The following NCAM2 variants were observed in gnomAD, a reference collection of about 807,000 sequenced individuals.
The protein encoded by NCAM2 is neural cell adhesion molecule 2.
A neutral mutation model predicts 98.1 loss-of-function variants in NCAM2; 30 were observed. That is an observed-to-expected ratio of 0.31 (90% confidence interval 0.23 to 0.41). The LOEUF (loss-of-function observed/expected upper bound fraction) is 0.41, where lower values mean the gene tolerates loss of function less well. Ranked by LOEUF, NCAM2 falls within the 10% of genes least tolerant of loss-of-function variation. The probability of loss-of-function intolerance (pLI) is 1.00; values close to 1 mark genes in which losing one functional copy is unlikely to be tolerated. For synonymous variants in NCAM2, 368 were observed against 342.4 expected (o/e 1.07, Z -0.83); for missense variants, 867 against 1,005.8 (o/e 0.86, Z 1.87).
At chr21:21,193,785 C>T (rs533256680) in intron 1 of NCAM2, among the ~76,000 whole-genome samples, 9 of 152,208 alleles carry the variant, frequency 5.9e-5, no homozygotes, top group Admixed American at 4.6e-4. Flanking sequence ...TGAGCCACCG[C>T]ACCTGGCCTC....
intron 16 of NCAM2, 38 bp downstream of exon 16, chr21:21,509,093 A>G (rs1390909397): frequency 6.2e-7 from 1 of 1,605,576 alleles, no homozygotes; most frequent in Non-Finnish European, 8.5e-7. Context: ...ATATTAAACA[A>G]GCGCCACAGT....
chr21:21,419,440 A>T (rs947239439), intron 11 of NCAM2, among the ~76,000 whole-genome samples: 4 of 148,810 alleles, frequency 2.7e-5, no homozygotes, highest in African/African-American at 1.0e-4. Flanking sequence ...TACACGTGCC[A>T]TGCTGGTGTG....
At chr21:21,271,286 G>T (rs1485411821) in intron 1 of NCAM2, among the ~76,000 whole-genome samples, 1 of 152,064 alleles carries the variant, frequency 6.6e-6, no homozygotes, top group South Asian at 2.1e-4. Flanking sequence ...CCTGTGCTGG[G>T]TTTATAGACT....
At chr21:21,446,894 A>T (rs1373145529) in intron 12 of NCAM2, among the ~76,000 whole-genome samples, 2 of 152,168 alleles carry the variant, frequency 1.3e-5, no homozygotes, top group African/African-American at 4.8e-5. Flanking sequence ...TCTCAAGGAA[A>T]TAAGAGAGGA....
At chr21:21,129,507 C>T (rs1248496092) in intron 1 of NCAM2, among the ~76,000 whole-genome samples, 1 of 152,042 alleles carries the variant, frequency 6.6e-6, no homozygotes, top group Non-Finnish European at 1.5e-5. Context: ...AAAAATGCTG[C>T]AAACTGGATG....
intron 1 of NCAM2, among the ~76,000 whole-genome samples, chr21:21,102,684 T>C (rs574464021): frequency 3.3e-5 from 5 of 152,098 alleles, no homozygotes; most frequent in South Asian, 4.1e-4. Flanking sequence ...AAATTAATGA[T>C]GCTCAGTTAT....
rs2077355739 is a variant in NCAM2 at position 21,432,035 on chromosome 21, T to C, written c.1481-73T>C. 4 of 1,408,288 alleles carry C rather than the reference T, an allele frequency of 2.8e-6. No individual in the cohort carries two copies. In the Admixed American group the frequency reaches 8.1e-5, roughly 28 times the overall value. The allele number at this position is 1,408,288 out of a possible 1,614,324, so 87.2% of individuals were successfully genotyped here. A position where few individuals can be genotyped will look rare whatever the true frequency, so the allele number is the denominator to read the frequency against. On this transcript the variant is annotated intron_variant, in intron 11 of 17. Coordinates refer to ENST00000400546, the MANE Select transcript of NCAM2 (RefSeq NM_004540.5). ...AGTTTTCCTTCACTCCTAGTTCTCA[T>C]AACACCATAAGCCTTAATAATGGCC... is the stretch of plus-strand genomic sequence containing the variant.
At chr21:21,141,168 A>T (rs2067160825) in intron 1 of NCAM2, among the ~76,000 whole-genome samples, 1 of 152,186 alleles carries the variant, frequency 6.6e-6, no homozygotes, top group South Asian at 2.1e-4. Context: ...ACTTTTGTAA[A>T]AATGGTTTTC....
At chr21:21,471,329 T>C (rs781623923) in intron 14 of NCAM2, among the ~76,000 whole-genome samples, 22 of 152,128 alleles carry the variant, frequency 1.4e-4, no homozygotes, top group Admixed American at 5.2e-4. Flanking sequence ...GAGGATCCAA[T>C]TGGAGATACC....
chr21:21,343,794 C>T (rs1315225609), intron 8 of NCAM2, among the ~76,000 whole-genome samples: 1 of 152,140 alleles, frequency 6.6e-6, no homozygotes, highest in Non-Finnish European at 1.5e-5. Flanking sequence ...CTTGAAAAAA[C>T]TTATGAAACT....
Position 21,541,181 on chromosome 21 carries a change from GCTT to G in NCAM2, c.*3228_*3230del, listed in dbSNP as rs561506604. The G allele has an allele frequency of 3.9e-4, 59 of 151,276 alleles. No homozygotes were observed. The East Asian group carries it at 7.0e-3, about 18-fold the overall frequency. The allele number at this position is 151,276 out of a possible 1,614,324, so 9.4% of individuals were successfully genotyped here. ...ACTTTATGATCATATCTTTGTTTAT[GCTT>G]CTTATTTTAAATAATTAAGATGTAT... On this transcript the variant is annotated 3_prime_UTR_variant, in exon 18 of 18. Coordinates refer to ENST00000400546, the MANE Select transcript of NCAM2 (RefSeq NM_004540.5).
rs985540954 is a variant in NCAM2 at position 21,524,256 on chromosome 21, G to A, written c.2283-10281G>A. Among the ~76,000 whole-genome samples, 4 of 151,932 alleles carry A rather than the reference G, an allele frequency of 2.6e-5. No homozygotes were observed. The East Asian group carries it at 7.7e-4, about 29-fold the overall frequency. ...AACGGGTATTACCTAATCATAATGG[G>A]GTCATTTCTCAAGGAAAATATAGTG... On this transcript the variant is annotated intron_variant, in intron 16 of 17. Coordinates refer to ENST00000400546, the MANE Select transcript of NCAM2 (RefSeq NM_004540.5).
At chr21:21,212,932 T>A (rs375786171) in intron 1 of NCAM2, among the ~76,000 whole-genome samples, 1 of 151,744 alleles carries the variant, frequency 6.6e-6, no homozygotes, top group Non-Finnish European at 1.5e-5. Flanking sequence ...TTAGTAGAGA[T>A]GGGGTTTCCA....
At chr21:21,531,859 G>A (rs1989717044) in intron 16 of NCAM2, among the ~76,000 whole-genome samples, 1 of 150,878 alleles carries the variant, frequency 6.6e-6, no homozygotes, top group African/African-American at 2.4e-5. Context: ...CGGGCGTGGT[G>A]GTGGGCGCCT....
chr21:21,246,475 T>G (rs1003717627), intron 1 of NCAM2, among the ~76,000 whole-genome samples: 2 of 152,166 alleles, frequency 1.3e-5, no homozygotes, highest in Non-Finnish European at 2.9e-5. Context: ...ACCAATATAT[T>G]TGCATACAAA....
chr21:21,110,659 T>C (rs2146525273), intron 1 of NCAM2, among the ~76,000 whole-genome samples: 1 of 151,364 alleles, frequency 6.6e-6, no homozygotes, highest in South Asian at 2.1e-4. Context: ...AGTTATTTTT[T>C]TGGAAAAACC....
At chr21:21,457,369 C>T (rs771798302) in intron 12 of NCAM2, among the ~76,000 whole-genome samples, 5 of 152,120 alleles carry the variant, frequency 3.3e-5, no homozygotes, top group African/African-American at 4.8e-5. Context: ...AGGTCTGACG[C>T]GGTGGCACAC....
rs1383217930 is a variant in NCAM2, at chr21:21,176,597, A to G, written c.56-103981A>G. Among the ~76,000 whole-genome samples, 4 of 152,216 alleles carry G rather than the reference A, an allele frequency of 2.6e-5. No individual in the cohort carries two copies. In the South Asian group the frequency reaches 6.2e-4, roughly 24 times the overall value. ...AACATAGATTATTGAAACATGAACA[A>G]AATAAGAGTCAAAATATTTTGAGGG... is the stretch of plus-strand genomic sequence containing the variant. On this transcript the variant is annotated intron_variant, in intron 1 of 17. Coordinates refer to ENST00000400546, the MANE Select transcript of NCAM2 (RefSeq NM_004540.5).
At chr21:21,330,097 T>A (rs375353425) in intron 6 of NCAM2, among the ~76,000 whole-genome samples, 4 of 152,176 alleles carry the variant, frequency 2.6e-5, no homozygotes, top group Non-Finnish European at 5.9e-5. Flanking sequence ...TGTCAGTGAA[T>A]CTGCTTTTGG....
Sources: gnomAD v4.1 joint callset for allele counts (sites outside exome capture counted in the v4.1 genomes callset) on GRCh38, gnomAD v4.1.1 for gene constraint, MANE v1.5 for transcripts, NCBI Gene and HGNC (gene_info 2026-07-23, HGNC 2026-07-21) for gene names.